Variants in SAMD4A observed in about 807,000 individuals in gnomAD.
SAMD4A encodes the protein protein Smaug homolog 1.
Under a neutral mutation model 81.3 loss-of-function variants are expected in SAMD4A, and 33 were observed. The observed-to-expected ratio is 0.41, with a 90% CI of 0.31 to 0.54. The LOEUF is 0.54. Ranked by LOEUF, SAMD4A falls within the 20% of genes least tolerant of loss-of-function variation. The probability of loss-of-function intolerance (pLI) is 0.37; values close to 1 mark genes in which losing one functional copy is unlikely to be tolerated. For synonymous variants in SAMD4A, 389 were observed against 382.1 expected, an observed-to-expected ratio of 1.02 and a Z score of -0.21; for missense variants, 854 against 951.1, an observed-to-expected ratio of 0.90 and a Z score of 1.34.
intron 3 of SAMD4A, among the ~76,000 whole-genome samples, chr14:54,710,675 C>A (rs1209065386): frequency 6.6e-6 from 1 of 152,166 alleles, no homozygotes; most frequent in Non-Finnish European, 1.5e-5. Flanking sequence ...AGGTATGAGA[C>A]CCTGCCTGAA....
chr14:54,594,857 T>C (rs1434228259), intron 2 of SAMD4A, among the ~76,000 whole-genome samples: 1 of 152,346 alleles, frequency 6.6e-6, no homozygotes, highest in South Asian at 2.1e-4. Context: ...ATTAACACTT[T>C]TTTCTTTTGA....
chr14:54,726,035 C>T (rs980737798), intron 3 of SAMD4A, among the ~76,000 whole-genome samples: 2 of 151,922 alleles, frequency 1.3e-5, no homozygotes, highest in Non-Finnish European at 2.9e-5. Context: ...CAAGAGTCAA[C>T]CCTTCTAACA....
intron 9 of SAMD4A, among the ~76,000 whole-genome samples, chr14:54,773,672 G>A (rs1177582707): frequency 6.6e-6 from 1 of 152,216 alleles, no homozygotes; most frequent in African/African-American, 2.4e-5. Flanking sequence ...TGGCCCTTAT[G>A]CAGCCGACTT....
At position 54,740,116 on chromosome 14, in the gene SAMD4A, G is replaced by A. The variant is rs531372039; in HGVS notation, c.979+2829G>A. 2.6e-4 allele frequency among the ~76,000 whole-genome samples: 39 copies of A among 152,340 alleles called. 1 individual carries two copies. The South Asian group carries it at 8.1e-3, about 32-fold the overall frequency. The stretch of plus-strand genomic sequence containing the variant: ...ACCCAGGAGATAGAGGTTGCAGTGA[G>A]CCAAGATCGCGCCACTGCACTCCAG... On this transcript the variant is annotated intron_variant, in intron 4 of 12. Transcript: ENST00000554335.
Position 54,702,333 on chromosome 14 carries a change from C to A in SAMD4A, c.468C>A (p.Thr156=). Residue 156 remains threonine, a synonymous_variant, in exon 3 of 13, where the codon ACC becomes ACA. Transcript: ENST00000554335. ...ATCACTTGGAGGACCGCACGTCGACCAGCTTTGGTGGCCAGAACCGAGGCC... is the reference window on the plus strand; with the variant it reads ...ATCACTTGGAGGACCGCACGTCGACAAGCTTTGGTGGCCAGAACCGAGGCC... The part of the protein sequence containing the change: ...WLNHLEDRTS[T]SFGGQNRGRS... 1 of 1,596,034 alleles carries A rather than the reference C, an allele frequency of 6.3e-7. No homozygotes were observed. The highest frequency in any genetic ancestry group is 1.4e-5 in the African/African-American group (1 of 73,720).
At chr14:54,651,139 CAG>C (rs2035394940) in intron 2 of SAMD4A, among the ~76,000 whole-genome samples, 1 of 152,140 alleles carries the variant, frequency 6.6e-6, no homozygotes, top group Non-Finnish European at 1.5e-5. Context: ...AGGAGGAGCT[CAG>C]ATGATCCTGA....
chr14:54,693,695 T>TCAAAAAAAAAAAA, intron 2 of SAMD4A: 1 of 152,132 alleles, frequency 6.6e-6, no homozygotes. Flanking sequence ...AAAAAAACTG[T>TCAAAAAAAAAAAA]AATTAAGAAG....
intron 2 of SAMD4A, among the ~76,000 whole-genome samples, chr14:54,642,908 CAGAG>C (rs1485112825): frequency 1.3e-5 from 2 of 152,186 alleles, no homozygotes; most frequent in African/African-American, 4.8e-5. Context: ...CTCTGGATGA[CAGAG>C]AGCTCAGCAG....
In SAMD4A at chr14:54,775,116, T is replaced by C; in HGVS notation, c.1898T>C (p.Ile633Thr). 1 of 1,614,032 alleles carries C rather than the reference T, an allele frequency of 6.2e-7. No homozygotes were observed. The highest frequency in any genetic ancestry group is 1.1e-5 in the South Asian group (1 of 91,078). ...NQRNTTATPT[I>T]MKQGRQNLWF... is the part of the protein sequence containing the mutation. ...CGCAACACCACAGCTACCCCCACCA[T>C]CATGAAACAAGGAAGACAGGTTTGT... Residue 633 changes from isoleucine to threonine, a missense_variant, in exon 10 of 13, where the codon ATC becomes ACC. Ile to Thr is a moderately conservative substitution (Grantham distance 89). This residue lies in a region of SAMD4A where 428 missense variants were observed against 471.2 expected (regional missense o/e 0.91). Transcript: ENST00000554335.
At chr14:54,585,884 G>A (rs1486563284) in intron 2 of SAMD4A, among the ~76,000 whole-genome samples, 2 of 152,034 alleles carry the variant, frequency 1.3e-5, no homozygotes, top group African/African-American at 4.8e-5. Context: ...ATTGCAAATT[G>A]TGCTGCTACA....
At chr14:54,670,802 G>C (rs2035864894) in intron 2 of SAMD4A, among the ~76,000 whole-genome samples, 1 of 152,174 alleles carries the variant, frequency 6.6e-6, no homozygotes, top group African/African-American at 2.4e-5. Context: ...ATAAGACATA[G>C]CTTTGACCTT....
At chr14:54,650,201 A>G (rs997089602) in intron 2 of SAMD4A, among the ~76,000 whole-genome samples, 4 of 152,250 alleles carry the variant, frequency 2.6e-5, no homozygotes, top group African/African-American at 9.6e-5. Context: ...CTGATAAAAG[A>G]CTTGAGATAG....
chr14:54,604,531 T>C (rs2034147090), intron 2 of SAMD4A, among the ~76,000 whole-genome samples: 1 of 152,234 alleles, frequency 6.6e-6, no homozygotes, highest in African/African-American at 2.4e-5. Flanking sequence ...GTTGATGGCA[T>C]GTCTATGCAA....
intron 2 of SAMD4A, among the ~76,000 whole-genome samples, chr14:54,627,408 G>A (rs1253349550): frequency 6.6e-6 from 1 of 152,164 alleles, no homozygotes; most frequent in Non-Finnish European, 1.5e-5. Flanking sequence ...CTACCAGAAC[G>A]TTCTTTAGCC....
rs181832583 is a variant in SAMD4A, at chr14:54,642,435, C to T, written c.197-59627C>T. On this transcript the variant is annotated intron_variant, in intron 2 of 12. Transcript: ENST00000554335. ...TACAAACCCGACATAAACTGCTGCTCTCAAGTTGGTCTGGCATCGGCTCTC... is the reference window on the plus strand; with the variant it reads ...TACAAACCCGACATAAACTGCTGCTTTCAAGTTGGTCTGGCATCGGCTCTC... Among the ~76,000 whole-genome samples, 26 of 152,320 alleles carry T rather than the reference C, an allele frequency of 1.7e-4. No homozygotes were observed. In the East Asian group the frequency reaches 5.0e-3, roughly 29 times the overall value.
chr14:54,650,404 G>T (rs977914730), intron 2 of SAMD4A, among the ~76,000 whole-genome samples: 13 of 152,116 alleles, frequency 8.5e-5, no homozygotes, highest in Admixed American at 8.5e-4. Flanking sequence ...TGCATTTGTT[G>T]GAATGGCCCA....
intron 2 of SAMD4A, chr14:54,688,342 G>T (rs1192256015): frequency 1.7e-5 from 17 of 985,512 alleles, no homozygotes; most frequent in Non-Finnish European, 2.0e-5. Context: ...CTGGGCTTCT[G>T]CAGACTCATC....
chr14:54,621,236 C>G (rs767293929), intron 2 of SAMD4A, among the ~76,000 whole-genome samples: 3 of 152,238 alleles, frequency 2.0e-5, no homozygotes, highest in Non-Finnish European at 4.4e-5. Flanking sequence ...AGAGAGTAGT[C>G]TTCCCTCACT....
At chr14:54,645,937 CT>C (rs971862354) in intron 2 of SAMD4A, among the ~76,000 whole-genome samples, 3 of 152,238 alleles carry the variant, frequency 2.0e-5, no homozygotes, top group African/African-American at 7.2e-5. Flanking sequence ...CAAAATTATT[CT>C]TTTTTCAAAT....
Sources: allele counts gnomAD v4.1 joint callset (sites outside exome capture counted in the v4.1 genomes callset), GRCh38; gene constraint gnomAD v4.1.1; regional missense constraint gnomAD v4.1.1; transcripts MANE v1.5; gene names NCBI Gene and HGNC (gene_info 2026-07-23, HGNC 2026-07-21).